DYRK1A: variants seen among roughly 807,000 people sequenced by gnomAD.
DYRK1A encodes the protein dual specificity tyrosine-phosphorylation-regulated kinase 1A.
DYRK1A carries 9 observed loss-of-function variants against 79.7 expected under a neutral mutation model. The ratio of observed to expected loss-of-function variants is 0.11; its 90% CI spans 0.07 to 0.20. The LOEUF (loss-of-function observed/expected upper bound fraction) is 0.20. DYRK1A is among the 10% of genes least tolerant of loss of function. The pLI, the probability that DYRK1A is intolerant of heterozygous loss-of-function variation, is 1.00. For missense variants in DYRK1A, 622 were observed against 956.0 expected (o/e 0.65, Z 4.61); for synonymous variants, 349 against 329.7 (o/e 1.06, Z -0.63).
intron 11 of DYRK1A, among the ~76,000 whole-genome samples, chr21:37,510,613 AG>A (rs2148659895): frequency 6.6e-6 from 1 of 152,338 alleles, no homozygotes; most frequent in Admixed American, 6.5e-5. Flanking sequence ...AAAATATGGT[AG>A]CTTAAAGAGT....
intron 3 of DYRK1A, among the ~76,000 whole-genome samples, chr21:37,476,792 A>G (rs1023903569): frequency 6.7e-6 from 1 of 149,748 alleles, no homozygotes; most frequent in African/African-American, 2.5e-5. Context: ...GATTTTTGTC[A>G]GACAAATAGT....
chr21:37,482,111 A>G (rs776718089), intron 5 of DYRK1A, among the ~76,000 whole-genome samples: 5 of 152,210 alleles, frequency 3.3e-5, no homozygotes, highest in East Asian at 1.9e-4. Flanking sequence ...TTCTTAAACT[A>G]TGGAACCTGC....
chr21:37,450,812 C>T (rs1041231275), intron 2 of DYRK1A, among the ~76,000 whole-genome samples: 3 of 152,190 alleles, frequency 2.0e-5, no homozygotes, highest in Non-Finnish European at 4.4e-5. Context: ...ACCAGTACTT[C>T]CCTCCAAAGC....
At chr21:37,427,563 A>G (rs1467738245) in intron 2 of DYRK1A, among the ~76,000 whole-genome samples, 3 of 152,236 alleles carry the variant, frequency 2.0e-5, no homozygotes, top group African/African-American at 7.2e-5. Flanking sequence ...TAATTAGTTC[A>G]TGAACAATGT....
At chr21:37,500,029 G>A (rs1569390387) in intron 9 of DYRK1A, among the ~76,000 whole-genome samples, 1 of 152,168 alleles carries the variant, frequency 6.6e-6, no homozygotes, top group African/African-American at 2.4e-5. Flanking sequence ...GTGGATTTCA[G>A]CATATTTGGG....
chr21:37,396,994 C>T (rs2049969734), intron 1 of DYRK1A, among the ~76,000 whole-genome samples: 1 of 152,134 alleles, frequency 6.6e-6, no homozygotes, highest in South Asian at 2.1e-4. Flanking sequence ...CTCTGCTCTG[C>T]CCTAGGGTAT....
chr21:37,505,196 A>G lies in DYRK1A; in HGVS notation c.1213-87A>G, dbSNP rs142090332. 1.1e-4 allele frequency: 121 copies of G among 1,100,060 alleles called. No individual in the cohort carries two copies. The East Asian group carries it at 2.8e-3, about 25-fold the overall frequency. 68.1% of individuals were successfully genotyped at this position (1,100,060 alleles called of 1,614,324 possible). A position where few individuals can be genotyped will look rare whatever the true frequency, so the allele number is the denominator to read the frequency against. ...CTTTTTAATAAAGGCCTCAACATAT[A>G]TATTTAAACATATTTGAAATTCAAT... On this transcript the variant is annotated intron_variant, in intron 9 of 11. Coordinates refer to ENST00000647188, the MANE Select transcript of DYRK1A (RefSeq NM_001347721.2).
chr21:37,440,024 T>A (rs1435039756), intron 2 of DYRK1A, among the ~76,000 whole-genome samples: 1 of 151,930 alleles, frequency 6.6e-6, no homozygotes, highest in Non-Finnish European at 1.5e-5. Context: ...ATATCTTATG[T>A]TCATGAAAGA....
rs781249903 is a variant in DYRK1A at position 37,490,257 on chromosome 21, G to C, written c.720G>C (p.Leu240=). Residue 240 remains leucine (L), a synonymous_variant, in exon 7 of 12, where the codon CTG becomes CTC. Coordinates refer to ENST00000647188, the MANE Select transcript of DYRK1A (RefSeq NM_001347721.2). ...TGTCCTACAACCTCTATGACTTGCT[G>C]AGAAACACCAATTTCCGAGGGGTCT... ...EMLSYNLYDL[L]RNTNFRGVSL... 1 of 1,613,680 alleles carries C rather than the reference G, an allele frequency of 6.2e-7. No individual in the cohort carries two copies. Among genetic ancestry groups the C allele is most frequent in the Non-Finnish European group, 8.5e-7 (1 of 1,179,770 alleles).
chr21:37,377,361 C>T (rs934295088), intron 1 of DYRK1A, among the ~76,000 whole-genome samples: 11 of 152,102 alleles, frequency 7.2e-5, no homozygotes, highest in African/African-American at 1.7e-4. Flanking sequence ...CCTCGTGATC[C>T]GCTTACCTCG....
chr21:37,433,628 C>CT (rs1341982077), intron 2 of DYRK1A, among the ~76,000 whole-genome samples: 2 of 152,204 alleles, frequency 1.3e-5, no homozygotes, highest in Non-Finnish European at 2.9e-5. Context: ...GAGATTGAGT[C>CT]TTTCAGGGAA....
intron 1 of DYRK1A, among the ~76,000 whole-genome samples, chr21:37,394,811 C>A (rs901106907): frequency 6.6e-6 from 1 of 152,184 alleles, no homozygotes; most frequent in Non-Finnish European, 1.5e-5. Flanking sequence ...ATACTCAGCT[C>A]CACGTTGCAC....
chr21:37,410,940 T>C (rs1276462232), intron 1 of DYRK1A, among the ~76,000 whole-genome samples: 1 of 150,930 alleles, frequency 6.6e-6, no homozygotes, highest in Non-Finnish European at 1.5e-5. Context: ...TCCCAGTTAC[T>C]AGGGATGCCG....
intron 2 of DYRK1A, among the ~76,000 whole-genome samples, chr21:37,454,085 CTTTTTTTTTTT>C (rs571859735): frequency 1.0e-4 from 6 of 59,614 alleles, no homozygotes; most frequent in South Asian, 9.6e-4. Flanking sequence ...ATGTAGTCTC[CTTTTTTTTTTT>C]TTTTTTTTTT....
At chr21:37,482,738 T>A (rs1401285974) in intron 5 of DYRK1A, among the ~76,000 whole-genome samples, 1 of 152,108 alleles carries the variant, frequency 6.6e-6, no homozygotes, top group Non-Finnish European at 1.5e-5. Context: ...ATTTCATCCC[T>A]ACAGTCTCGA....
intron 4 of DYRK1A, among the ~76,000 whole-genome samples, chr21:37,480,203 A>G (rs1047963881): frequency 2.7e-4 from 41 of 152,176 alleles, no homozygotes; most frequent in African/African-American, 8.9e-4. Context: ...TTCCCTTTAT[A>G]TCCCAAATAT....
intron 1 of DYRK1A, among the ~76,000 whole-genome samples, chr21:37,375,346 T>C (rs1008420422): frequency 7.2e-5 from 11 of 152,198 alleles, no homozygotes; most frequent in Admixed American, 7.2e-4. Context: ...TATAGGCAGC[T>C]ACTTACTTGA....
chr21:37,381,424 T>C (rs1451353513), intron 1 of DYRK1A, among the ~76,000 whole-genome samples: 7 of 152,232 alleles, frequency 4.6e-5, no homozygotes, highest in African/African-American at 9.6e-5. Context: ...GGAAAGATTC[T>C]GTCTTCTGTA....
intron 2 of DYRK1A, among the ~76,000 whole-genome samples, chr21:37,438,924 T>C (rs1190160338): frequency 7.6e-6 from 1 of 131,828 alleles, no homozygotes; most frequent in Non-Finnish European, 1.6e-5. Flanking sequence ...ATTGATACTT[T>C]AACTGTATTG....
Sources: allele counts gnomAD v4.1 joint callset (sites outside exome capture counted in the v4.1 genomes callset), GRCh38; gene constraint gnomAD v4.1.1; transcripts MANE v1.5; gene names NCBI Gene and HGNC (gene_info 2026-07-23, HGNC 2026-07-21).